Variants in ATP9B observed in about 807,000 individuals in gnomAD.
The protein encoded by ATP9B is ATPase phospholipid transporting 9B.
ATP9B carries 110 observed loss-of-function variants against 146.1 expected under a neutral mutation model. The ratio of observed to expected loss-of-function variants is 0.75; its 90% CI spans 0.65 to 0.88. The LOEUF (loss-of-function observed/expected upper bound fraction) is 0.88. ATP9B is among the 40% of genes least tolerant of loss of function. ATP9B has a pLI of 0.00. For synonymous variants in ATP9B, 604 were observed against 569.7 expected (o/e 1.06, Z -0.86); for missense variants, 1,499 against 1,496.4 (o/e 1.00, Z -0.03).
chr18:79,225,352 A>G (rs1211532349), intron 11 of ATP9B, among the ~76,000 whole-genome samples: 2 of 152,242 alleles, frequency 1.3e-5, no homozygotes, highest in Admixed American at 1.3e-4. Context: ...TAGTATTGTC[A>G]GCTGATAATT....
At chr18:79,302,339 C>T (rs928675280) in intron 13 of ATP9B, among the ~76,000 whole-genome samples, 16 of 151,524 alleles carry the variant, frequency 1.1e-4, no homozygotes, top group African/African-American at 3.9e-4. Context: ...GCACACACCC[C>T]CCGGGGACAA....
At chr18:79,089,911 T>A (rs1273412929) in intron 1 of ATP9B, among the ~76,000 whole-genome samples, 1 of 152,208 alleles carries the variant, frequency 6.6e-6, no homozygotes, top group Non-Finnish European at 1.5e-5. Flanking sequence ...ATCCATTCTT[T>A]GTCCCCCACT....
intron 5 of ATP9B, among the ~76,000 whole-genome samples, chr18:79,131,119 C>A (rs2147253111): frequency 6.6e-6 from 1 of 152,266 alleles, no homozygotes; most frequent in South Asian, 2.1e-4. Context: ...TGAGATCGTG[C>A]CACTGCACTC....
chr18:79,218,827 A>G (rs1221028466), intron 11 of ATP9B, among the ~76,000 whole-genome samples: 3 of 152,254 alleles, frequency 2.0e-5, no homozygotes, highest in African/African-American at 7.2e-5. Context: ...GAACAATTAA[A>G]AGGCCTTGGC....
chr18:79,366,888 C>T (rs1022680372), intron 26 of ATP9B, among the ~76,000 whole-genome samples: 1 of 152,350 alleles, frequency 6.6e-6, no homozygotes, highest in African/African-American at 2.4e-5. Context: ...GAGGCTGGTG[C>T]GGGAGGCAGG....
intron 11 of ATP9B, among the ~76,000 whole-genome samples, chr18:79,232,737 G>C (rs2095803922): frequency 6.6e-6 from 1 of 152,180 alleles, no homozygotes; most frequent in Admixed American, 6.5e-5. Context: ...AGAAGAAGTA[G>C]ACAACTCGCG....
Position 79,298,166 on chromosome 18 carries a change from A to G in ATP9B, c.1412-5438A>G, listed in dbSNP as rs762555773. Among the ~76,000 whole-genome samples, 12 of 146,706 alleles carry G rather than the reference A, an allele frequency of 8.2e-5. 1 individual carries two copies. Among genetic ancestry groups the G allele is most frequent in the Admixed American group, 2.1e-4 (3 of 14,236 alleles). ...GAAAGGAAGAAATCGAGTTAAAATT[A>G]AAGAAAGAAAATTGTCCCTGTCTGC... On this transcript the variant is annotated intron_variant, in intron 13 of 29. Transcript: ENST00000426216.
At chr18:79,347,577 G>T (rs2096897091) in intron 23 of ATP9B, among the ~76,000 whole-genome samples, 193 bp from the exon 24 acceptor site, 1 of 152,260 alleles carries the variant, frequency 6.6e-6, no homozygotes, top group Non-Finnish European at 1.5e-5. Context: ...GCCTGGGCTG[G>T]TGCTGGGGGC....
intron 8 of ATP9B, among the ~76,000 whole-genome samples, chr18:79,185,784 G>A (rs985792033): frequency 1.3e-5 from 1 of 74,392 alleles, no homozygotes; most frequent in Non-Finnish European, 3.1e-5. Context: ...TAGATCTGAG[G>A]GTCTTCTGTG....
At chr18:79,376,026 G>A (rs1280169642) in intron 29 of ATP9B, 4 of 985,116 alleles carry the variant, frequency 4.1e-6, no homozygotes, top group Non-Finnish European at 4.8e-6. Flanking sequence ...TGGAGATGCT[G>A]GGAGGGTGAC....
intron 25 of ATP9B, chr18:79,353,232 G>T (rs2096931720): frequency 6.6e-6 from 1 of 152,248 alleles, no homozygotes; most frequent in Non-Finnish European, 1.5e-5. Flanking sequence ...AAAATTTGCT[G>T]CCCCATGCCC....
rs202230287 is a variant in ATP9B, at chr18:79,336,643, C to T, written c.2044C>T (p.Arg682Cys). ...CCTTTTCCAGTGCGGAAACATGGCT[C>T]GCGAAGGACTGCGGACCCTCGTGGT... ...WLEEECGNMA[R>C]EGLRTLVVAK... is the part of the protein sequence containing the mutation. Residue 682 changes from arginine (R) to cysteine (C), a missense_variant, in exon 18 of 30, where the codon CGC becomes TGC. Physicochemically the swap from Arg to Cys is radical, Grantham distance 180. Coordinates refer to ENST00000426216, the MANE Select transcript of ATP9B (RefSeq NM_198531.5). 6 of 1,611,454 alleles carry T rather than the reference C, an allele frequency of 3.7e-6. No homozygotes were observed. The highest frequency in any genetic ancestry group is 1.1e-5 in the South Asian group (1 of 90,560).
chr18:79,284,823 G>A (rs1292590196), intron 13 of ATP9B, among the ~76,000 whole-genome samples: 2 of 128,890 alleles, frequency 1.6e-5, no homozygotes, highest in African/African-American at 3.0e-5. Context: ...TCCCGTGTCC[G>A]TGTGTTCTCA....
At chr18:79,326,449 C>T (rs1309627653) in intron 15 of ATP9B, among the ~76,000 whole-genome samples, 3 of 146,952 alleles carry the variant, frequency 2.0e-5, no homozygotes, top group Non-Finnish European at 4.6e-5. Context: ...AGGGTGTCAT[C>T]CCTGCACACT....
At chr18:79,217,044 G>T (rs1438314564) in intron 11 of ATP9B, among the ~76,000 whole-genome samples, 1 of 152,246 alleles carries the variant, frequency 6.6e-6, no homozygotes, top group African/African-American at 2.4e-5. Context: ...GGCTCCCGGG[G>T]AGAAGAGTGC....
At position 79,126,181 on chromosome 18, in the gene ATP9B, A is replaced by C. The variant is rs1184729981; in HGVS notation, c.559-86A>C. Reference sequence around the variant, plus strand: ...TGTTTTAGAGAGTAATATAAATTGAAGGAAAAAAGTTAAACCAAGTAACAA... The same window carrying C: ...TGTTTTAGAGAGTAATATAAATTGACGGAAAAAAGTTAAACCAAGTAACAA... On this transcript the variant is annotated intron_variant, in intron 4 of 29. Transcript: ENST00000426216. 8 of 1,101,276 alleles carry C rather than the reference A, an allele frequency of 7.3e-6. No homozygotes were observed. The East Asian group carries it at 2.1e-4, about 28-fold the overall frequency. The allele number at this position is 1,101,276 out of a possible 1,614,324, so 68.2% of individuals were successfully genotyped here.
intron 12 of ATP9B, among the ~76,000 whole-genome samples, chr18:79,256,054 G>T (rs2096073859): frequency 6.6e-6 from 1 of 151,660 alleles, no homozygotes; most frequent in Admixed American, 6.6e-5. Context: ...TTCCATGTGT[G>T]CTTTAAAAAT....
At chr18:79,246,733 T>TCCCTGGCTTC (rs1298196410) in intron 11 of ATP9B, among the ~76,000 whole-genome samples, 1 of 152,168 alleles carries the variant, frequency 6.6e-6, no homozygotes, top group African/African-American at 2.4e-5. Flanking sequence ...CTCCCCGCGC[T>TCCCTGGCTTC]CCCTGGCTTC....
At chr18:79,080,751 G>A (rs1033217974) in intron 1 of ATP9B, among the ~76,000 whole-genome samples, 10 of 152,192 alleles carry the variant, frequency 6.6e-5, no homozygotes, top group African/African-American at 1.9e-4. Flanking sequence ...GATATTGGCT[G>A]TGGGTTTGTC....
Sources: gnomAD v4.1 joint callset for allele counts (sites outside exome capture counted in the v4.1 genomes callset) on GRCh38, gnomAD v4.1.1 for gene constraint, MANE v1.5 for transcripts, NCBI Gene and HGNC (gene_info 2026-07-23, HGNC 2026-07-21) for gene names.